SUMF1: variants seen among roughly 807,000 people sequenced by gnomAD.
The protein encoded by SUMF1 is sulfatase modifying factor 1, also known as formylglycine-generating enzyme.
SUMF1 carries 48 observed loss-of-function variants against 47.6 expected under a neutral mutation model. That is an observed-to-expected ratio of 1.01 (90% confidence interval 0.80 to 1.28). The LOEUF is 1.28. SUMF1 is among the 50% of genes most tolerant of loss of function. SUMF1 has a pLI of 0.00. For missense variants in SUMF1, 571 were observed against 485.4 expected (o/e 1.18, Z -1.66); for synonymous variants, 230 against 192.1 (o/e 1.20, Z -1.63).
At chr3:4,390,675 T>C (rs919448837) in intron 7 of SUMF1, among the ~76,000 whole-genome samples, 5 of 152,150 alleles carry the variant, frequency 3.3e-5, no homozygotes, top group Non-Finnish European at 7.4e-5. Flanking sequence ...CTCAACTTCC[T>C]GGGCCCAGGG....
At chr3:4,061,299 A>G (rs1695272788) in intron 9 of SUMF1, among the ~76,000 whole-genome samples, 1 of 152,134 alleles carries the variant, frequency 6.6e-6, no homozygotes, top group South Asian at 2.1e-4. Context: ...TCAGAAAACC[A>G]ACCATCAGGA....
At chr3:4,118,274 A>T (rs1280541038) in intron 8 of SUMF1, among the ~76,000 whole-genome samples, 1 of 152,078 alleles carries the variant, frequency 6.6e-6, no homozygotes, top group African/African-American at 2.4e-5. Context: ...ATACATGAAA[A>T]AGAAACAGAG....
chr3:4,407,080 C>A (rs1559279202), intron 7 of SUMF1, among the ~76,000 whole-genome samples: 1 of 116,298 alleles, frequency 8.6e-6, no homozygotes, highest in Non-Finnish European at 1.9e-5. Flanking sequence ...AGGACACACA[C>A]ATGGGACACA....
rs1559245009 is a variant in SUMF1 at position 4,362,255 on chromosome 3, C to A, written c.1015-1G>T. ...CACAGCGATACCTGTAACAATAAGACTGTGTAGAGAGAAAGAGCAAGGTAA... is the reference window on the plus strand; with the variant it reads ...CACAGCGATACCTGTAACAATAAGAATGTGTAGAGAGAAAGAGCAAGGTAA... On this transcript the variant is annotated splice_acceptor_variant, in intron 8 of 8. Transcript: ENST00000272902. LOFTEE classifies it high-confidence loss of function. 1 of 1,613,762 alleles carries A rather than the reference C, an allele frequency of 6.2e-7. No homozygotes were observed. The highest frequency in any genetic ancestry group is 8.5e-7 in the Non-Finnish European group (1 of 1,179,682).
At chr3:4,035,074 C>T (rs1427515163) in intron 9 of SUMF1, among the ~76,000 whole-genome samples, 2 of 151,904 alleles carry the variant, frequency 1.3e-5, no homozygotes, top group Non-Finnish European at 1.5e-5. Context: ...AGCTGGAGGA[C>T]AACAAAGGCA....
At chr3:4,258,287 C>T (rs1377524211) in intron 8 of SUMF1, among the ~76,000 whole-genome samples, 3 of 143,498 alleles carry the variant, frequency 2.1e-5, no homozygotes, top group Admixed American at 6.8e-5. Context: ...TAAAGAGCTT[C>T]TGCACAGCAA....
chr3:4,433,193 G>C (rs1012427153), intron 3 of SUMF1, among the ~76,000 whole-genome samples: 2 of 152,198 alleles, frequency 1.3e-5, no homozygotes, highest in East Asian at 3.8e-4. Context: ...TCGAGGGGCA[G>C]GGAACATCAG....
intron 8 of SUMF1, among the ~76,000 whole-genome samples, chr3:4,147,994 A>G (rs990077908): frequency 1.3e-5 from 2 of 152,132 alleles, no homozygotes; most frequent in Non-Finnish European, 2.9e-5. Flanking sequence ...ATTCAGGGAA[A>G]TTGAGGGTGC....
chr3:4,073,366 A>G (rs1236275848), intron 8 of SUMF1, among the ~76,000 whole-genome samples: 1 of 152,218 alleles, frequency 6.6e-6, no homozygotes, highest in Non-Finnish European at 1.5e-5. Flanking sequence ...AACTGGTACC[A>G]GCCACTGCAA....
At chr3:4,125,855 T>TTCATTGAGATAGAG (rs1693644587) in intron 8 of SUMF1, among the ~76,000 whole-genome samples, 1 of 152,076 alleles carries the variant, frequency 6.6e-6, no homozygotes, top group Non-Finnish European at 1.5e-5. Context: ...TTTTGTATTT[T>TTCATTGAGATAGAG]TCATTGAGAT....
chr3:4,247,158 G>A (rs1285718269), intron 8 of SUMF1, among the ~76,000 whole-genome samples: 1 of 152,208 alleles, frequency 6.6e-6, no homozygotes, highest in Non-Finnish European at 1.5e-5. Context: ...TGCCCAGATG[G>A]TGAAACAGTG....
chr3:4,326,169 A>G (rs970649590), intron 8 of SUMF1, among the ~76,000 whole-genome samples: 6 of 152,240 alleles, frequency 3.9e-5, no homozygotes, highest in African/African-American at 1.4e-4. Context: ...TTTTTACCAA[A>G]GACAAGTCAC....
chr3:4,201,571 A>T (rs1559560183), intron 8 of SUMF1, among the ~76,000 whole-genome samples: 4 of 152,054 alleles, frequency 2.6e-5, no homozygotes, highest in Admixed American at 2.6e-4. Context: ...GATTGCAAAT[A>T]TTGACAATTG....
intron 8 of SUMF1, among the ~76,000 whole-genome samples, chr3:4,302,167 G>A (rs1029746003): frequency 3.9e-5 from 6 of 152,126 alleles, no homozygotes; most frequent in African/African-American, 1.2e-4. Flanking sequence ...TTAAGAATGC[G>A]CCCCCAACAT....
chr3:4,359,480 G>C (rs115068541), downstream of SUMF1, among the ~76,000 whole-genome samples: 1 of 152,036 alleles, frequency 6.6e-6, no homozygotes, highest in African/African-American at 2.4e-5. Context: ...ATGGGGTCTC[G>C]CTTTGTTGCT....
Position 4,376,392 on chromosome 3 carries a change from ACAGATGAAGAAAAAAGGCT to A in SUMF1, c.955-22_955-4del, listed in dbSNP as rs763767898. The A allele has an allele frequency of 3.1e-6, 5 of 1,614,122 alleles. No homozygotes were observed. The South Asian group carries it at 5.5e-5, about 18-fold the overall frequency. ...TCTTTCCCAGAAGGGGGACCTTTCTACAGATGAAGAAAAAAGGCTATGTTAGACCAGAAGGCAAAGCTGC... is the reference window on the plus strand; with the variant it reads ...TCTTTCCCAGAAGGGGGACCTTTCTAATGTTAGACCAGAAGGCAAAGCTGC... On this transcript the variant is annotated splice_region_variant and splice_polypyrimidine_tract_variant and intron_variant, in intron 7 of 8. Transcript: ENST00000272902.
chr3:4,319,796 T>G (rs1227974143), intron 8 of SUMF1, among the ~76,000 whole-genome samples: 2 of 152,146 alleles, frequency 1.3e-5, no homozygotes, highest in African/African-American at 2.4e-5. Flanking sequence ...AACTGGTACA[T>G]CCATATGATG....
chr3:4,143,762 TC>T (rs562644850), intron 8 of SUMF1, among the ~76,000 whole-genome samples: 38 of 152,176 alleles, frequency 2.5e-4, no homozygotes, highest in Middle Eastern at 3.4e-3. Flanking sequence ...AGCTCCTAAT[TC>T]CTAATCCATC....
chr3:4,168,663 A>G (rs765308576), intron 8 of SUMF1, among the ~76,000 whole-genome samples: 1 of 152,158 alleles, frequency 6.6e-6, no homozygotes, highest in Non-Finnish European at 1.5e-5. Flanking sequence ...TTGGGTAAAA[A>G]TCTCTATTTT....
Sources: gnomAD v4.1 joint callset for allele counts (sites outside exome capture counted in the v4.1 genomes callset) on GRCh38, gnomAD v4.1.1 for gene constraint, MANE v1.5 for transcripts, NCBI Gene and HGNC (gene_info 2026-07-23, HGNC 2026-07-21) for gene names.